The following MBNL3 variants were observed in gnomAD, a reference collection of about 807,000 sequenced individuals.
MBNL3 encodes the protein muscleblind-like protein 3.
In MBNL3, 6 loss-of-function variants were observed where a neutral mutation model predicts 24.5. The ratio of observed to expected loss-of-function variants is 0.25; its 90% CI spans 0.13 to 0.48. The LOEUF (loss-of-function observed/expected upper bound fraction) is 0.48, where lower values mean the gene tolerates loss of function less well. Among genes scored for constraint, MBNL3 ranks in the 20% least tolerant of loss-of-function variants. MBNL3 has a pLI of 0.99. For missense variants in MBNL3, 230 were observed against 293.5 expected, an observed-to-expected ratio of 0.78 and a Z score of 1.58; for synonymous variants, 100 against 101.7, an observed-to-expected ratio of 0.98 and a Z score of 0.10.
At chrX:132,406,533 A>G in intron 2 of MBNL3, 141 bp from the exon 3 acceptor site, 1 of 534,777 alleles carries the variant, frequency 1.9e-6, no homozygotes, top group East Asian at 3.9e-5. Context: ...CCTGAAATTC[A>G]CTGACAGTCT....
At chrX:132,393,880 A>G (rs1371705763) in intron 3 of MBNL3, among the ~76,000 whole-genome samples, 1 of 111,674 alleles carries the variant, frequency 9.0e-6, no homozygotes, top group African/African-American at 3.3e-5. Context: ...ATTGTGGAAT[A>G]TAAAGTGAAG....
At chrX:132,442,937 A>C (rs1356235152) in intron 1 of MBNL3, among the ~76,000 whole-genome samples, 1 of 111,870 alleles carries the variant, frequency 8.9e-6, no homozygotes, top group Admixed American at 9.5e-5. Flanking sequence ...TCTCTCATGC[A>C]GCTCTGTTTG....
intron 2 of MBNL3, among the ~76,000 whole-genome samples, chrX:132,413,814 G>A (rs911299165): frequency 1.8e-4 from 20 of 111,548 alleles, no homozygotes; most frequent in African/African-American, 6.2e-4. Context: ...GCCTAAACCC[G>A]TAACTCCGAA....
At chrX:132,414,438 G>C (rs937050418) in intron 2 of MBNL3, among the ~76,000 whole-genome samples, 3 of 111,941 alleles carry the variant, frequency 2.7e-5, no homozygotes. Flanking sequence ...ATTTAGTCCA[G>C]CATTTGCCAG....
chrX:132,410,091 T>A (rs1439296706), intron 2 of MBNL3, among the ~76,000 whole-genome samples: 3 of 111,960 alleles, frequency 2.7e-5, no homozygotes, highest in Admixed American at 9.5e-5. Context: ...CTGAAGTACA[T>A]CTGCATCAAG....
chrX:132,396,438 AT>A (rs1166769440), intron 3 of MBNL3, among the ~76,000 whole-genome samples: 1 of 82,007 alleles, frequency 1.2e-5, no homozygotes, highest in Non-Finnish European at 2.2e-5. Context: ...TCCTATATAT[AT>A]TCATATATAT....
At chrX:132,479,328 A>G (rs1947606900) in intron 1 of MBNL3, among the ~76,000 whole-genome samples, 1 of 112,635 alleles carries the variant, frequency 8.9e-6, no homozygotes. Context: ...GTAAATATTC[A>G]GGCCAATCTA....
intron 2 of MBNL3, among the ~76,000 whole-genome samples, chrX:132,423,260 T>A (rs1943987491): frequency 8.9e-6 from 1 of 111,852 alleles, no homozygotes; most frequent in African/African-American, 3.3e-5. Flanking sequence ...CTCTGTATTG[T>A]ATGTTGCTTA....
chrX:132,462,216 C>T lies in MBNL3; in HGVS notation c.-703-21902G>A, dbSNP rs1406171782. ...TCTTTCCCAATCTCAATCTCTCTCTCCCTCTACCTCCCTCTCTCTCCTGTT... is the reference window on the plus strand; with the variant it reads ...TCTTTCCCAATCTCAATCTCTCTCTTCCTCTACCTCCCTCTCTCTCCTGTT... On this transcript the variant is annotated intron_variant, in intron 1 of 8. Transcript: ENST00000370853. Among the ~76,000 whole-genome samples the T allele has an allele frequency of 2.7e-5, 3 of 112,019 alleles. No homozygotes were observed. In the East Asian group the frequency reaches 8.4e-4, roughly 31 times the overall value.
chrX:132,481,533 A>G (rs1193908459), intron 1 of MBNL3, among the ~76,000 whole-genome samples: 1 of 111,883 alleles, frequency 8.9e-6, no homozygotes. Flanking sequence ...AGCTTCTTAG[A>G]GTTTCTCTCA....
chrX:132,395,863 G>A (rs979489081), intron 3 of MBNL3, among the ~76,000 whole-genome samples: 2 of 110,760 alleles, frequency 1.8e-5, no homozygotes, highest in Non-Finnish European at 3.8e-5. Context: ...AGGACCCCAC[G>A]ACACTCACCC....
At chrX:132,465,407 C>T (rs1946836270) in intron 1 of MBNL3, among the ~76,000 whole-genome samples, 2 of 112,190 alleles carry the variant, frequency 1.8e-5, no homozygotes, top group Non-Finnish European at 3.8e-5. Flanking sequence ...ACACAAGTAA[C>T]ATTTATATCT....
At chrX:132,408,292 TAGAC>T (rs1162169595) in intron 2 of MBNL3, among the ~76,000 whole-genome samples, 1 of 107,132 alleles carries the variant, frequency 9.3e-6, no homozygotes, top group Non-Finnish European at 1.9e-5. Flanking sequence ...TTGGGGTAGT[TAGAC>T]AGCAGTAGTG....
chrX:132,397,036 T>A (rs1045249086), intron 3 of MBNL3, among the ~76,000 whole-genome samples: 2 of 98,480 alleles, frequency 2.0e-5, no homozygotes, highest in Non-Finnish European at 4.0e-5. Flanking sequence ...ATTGAAAATG[T>A]TTGGCTTTGT....
chrX:132,380,443 G>A (rs1325774869), intron 8 of MBNL3, among the ~76,000 whole-genome samples: 2 of 111,652 alleles, frequency 1.8e-5, no homozygotes, highest in Non-Finnish European at 1.9e-5. Context: ...GTGCTCAAAG[G>A]TGCCTTTTAA....
intron 2 of MBNL3, among the ~76,000 whole-genome samples, chrX:132,410,500 T>A (rs1942572611): frequency 9.0e-6 from 1 of 110,792 alleles, no homozygotes; most frequent in African/African-American, 3.3e-5. Flanking sequence ...AAAAAAAAAA[T>A]CCTAAATATG....
chrX:132,426,534 C>T (rs751751731), intron 2 of MBNL3, among the ~76,000 whole-genome samples: 1 of 111,366 alleles, frequency 9.0e-6, no homozygotes, highest in Non-Finnish European at 1.9e-5. Context: ...ATGCTTCAGC[C>T]ATTCTGACTT....
intron 1 of MBNL3, among the ~76,000 whole-genome samples, chrX:132,451,454 G>C (rs528288639): frequency 8.9e-6 from 1 of 111,779 alleles, no homozygotes; most frequent in African/African-American, 3.3e-5. Flanking sequence ...CTTTGAGGTG[G>C]CTTTGTTTAC....
intron 2 of MBNL3, among the ~76,000 whole-genome samples, chrX:132,437,715 A>C (rs1945189002): frequency 9.0e-6 from 1 of 111,557 alleles, no homozygotes; most frequent in African/African-American, 3.3e-5. Context: ...TCCCCCAACT[A>C]ACTCAGTATG....
Sources: allele counts gnomAD v4.1 joint callset (sites outside exome capture counted in the v4.1 genomes callset), GRCh38; gene constraint gnomAD v4.1.1; transcripts MANE v1.5; gene names NCBI Gene and HGNC (gene_info 2026-07-23, HGNC 2026-07-21).